Variants in CTSH observed in about 807,000 individuals in gnomAD.
The protein encoded by CTSH is pro-cathepsin H.
In CTSH, 52 loss-of-function variants were observed where a neutral mutation model predicts 56.3. The ratio of observed to expected loss-of-function variants is 0.92; its 90% confidence interval spans 0.74 to 1.16. The LOEUF (loss-of-function observed/expected upper bound fraction) is 1.16, where lower values mean the gene tolerates loss of function less well. Ranked by LOEUF, CTSH falls within the 50% of genes most tolerant of loss-of-function variation. The probability of loss-of-function intolerance (pLI) is 0.00; values close to 1 mark genes in which losing one functional copy is unlikely to be tolerated. For synonymous variants in CTSH, 174 were observed against 155.7 expected, an observed-to-expected ratio of 1.12 and a Z score of -0.88; for missense variants, 406 against 424.5, an observed-to-expected ratio of 0.96 and a Z score of 0.38.
At chr15:78,925,281 G>T in intron 10 of CTSH, 53 bp downstream of exon 10, 3 of 1,157,260 alleles carry the variant, frequency 2.6e-6, no homozygotes, top group South Asian at 1.2e-5. Flanking sequence ...GTGTGAGGAG[G>T]CCCACCAAGC....
chr15:78,925,587 C>T, intron 9 of CTSH, 147 bp from the exon 10 acceptor site: 1 of 592,708 alleles, frequency 1.7e-6, no homozygotes, highest in Non-Finnish European at 3.1e-6. Context: ...CTCTCCCTTC[C>T]TGTCTCTGGC....
chr15:78,925,279 A>G, intron 10 of CTSH, 55 bp downstream of exon 10: 2 of 1,124,186 alleles, frequency 1.8e-6, no homozygotes, highest in Non-Finnish European at 2.7e-6. Context: ...GGGTGTGAGG[A>G]GGCCCACCAA....
chr15:78,944,917 G>A lies in CTSH; in HGVS notation c.65C>T (p.Ala22Val), dbSNP rs778307559. Residue 22 changes from alanine to valine, a missense_variant, in exon 1 of 12, where the codon GCC becomes GTC. Ala to Val is a moderately conservative substitution (Grantham distance 64). Transcript: ENST00000220166. The part of the protein sequence containing the change: ...AWLLGVPVCG[A>V]AELCVNSLEK... ...TAAGGAGTTCACGCACAGTTCGGCG[G>A]CACCGCAGACGGGGACTCCCAGGAG... 6.5e-7 allele frequency: 1 copy of A among 1,548,480 alleles called. No homozygotes were observed. Among genetic ancestry groups the A allele is most frequent in the South Asian group, 1.2e-5 (1 of 83,798 alleles).
At chr15:78,938,978 C>T (rs1299166951) in intron 2 of CTSH, among the ~76,000 whole-genome samples, 162 bp downstream of exon 2, 3 of 152,230 alleles carry the variant, frequency 2.0e-5, no homozygotes, top group African/African-American at 4.8e-5. Flanking sequence ...ATTTACTTAA[C>T]TGCATCTTTC....
intron 1 of CTSH, chr15:78,944,627 C>G (rs1249404278): frequency 3.6e-5 from 16 of 440,954 alleles, no homozygotes; most frequent in Non-Finnish European, 6.1e-5. Context: ...CTTTGGTATT[C>G]TAGGCTGGAG....
chr15:78,931,991 G>A lies in CTSH; in HGVS notation c.492+381C>T, dbSNP rs549679925. ...GCATCATCCGTCTCTTGTGGGCGAG[G>A]GGATGGATGCATAGGTCCCGGCTCT... On this transcript the variant is annotated intron_variant, in intron 6 of 11. Transcript: ENST00000220166. 16 of 1,155,998 alleles carry A rather than the reference G, an allele frequency of 1.4e-5. No homozygotes were observed. The Admixed American group carries it at 5.4e-4, about 39-fold the overall frequency. 71.6% of individuals were successfully genotyped at this position (1,155,998 alleles called of 1,614,324 possible).
chr15:78,929,373 T>C lies in CTSH; in HGVS notation c.630+39A>G, dbSNP rs371952451. 6.7e-6 allele frequency: 10 copies of C among 1,499,552 alleles called. No homozygotes were observed. In the African/African-American group the frequency reaches 1.2e-4, roughly 19 times the overall value. The allele number at this position is 1,499,552 out of a possible 1,614,324, so 92.9% of individuals were successfully genotyped here. ...GGGGAGGGAGTGAAGCTAGGCATGCTGTACGCCAAGAAGACAGAGTGGAGG... is the reference window on the plus strand; with the variant it reads ...GGGGAGGGAGTGAAGCTAGGCATGCCGTACGCCAAGAAGACAGAGTGGAGG... On this transcript the variant is annotated intron_variant, in intron 8 of 11. Transcript: ENST00000220166.
chr15:78,922,824 G>A (rs1343190474), intron 11 of CTSH, among the ~76,000 whole-genome samples, 169 bp downstream of exon 11: 3 of 152,194 alleles, frequency 2.0e-5, no homozygotes, highest in South Asian at 4.1e-4. Context: ...TGGGGGCTTG[G>A]AAATGTGGAG....
intron 4 of CTSH, 93 bp from the exon 5 acceptor site, chr15:78,935,175 C>A (rs1567369791): frequency 2.4e-6 from 2 of 840,794 alleles, no homozygotes; most frequent in East Asian, 5.0e-5. Flanking sequence ...CATGGAATCA[C>A]CAAGAGAGAA....
intron 1 of CTSH, among the ~76,000 whole-genome samples, chr15:78,941,235 G>A (rs1318600429): frequency 6.6e-6 from 1 of 150,902 alleles, no homozygotes; most frequent in East Asian, 2.0e-4. Context: ...GACCAGCCTG[G>A]CCAACATGGT....
At chr15:78,943,281 GTCTTAC>G (rs1350027573) in intron 1 of CTSH, among the ~76,000 whole-genome samples, 2 of 152,106 alleles carry the variant, frequency 1.3e-5, no homozygotes, top group African/African-American at 4.8e-5. Context: ...TTTAGATGGA[GTCTTAC>G]TCTGTCACCC....
At chr15:78,936,182 T>C (rs947100066) in intron 3 of CTSH, among the ~76,000 whole-genome samples, 13 of 5,322 alleles carry the variant, frequency 2.4e-3, no homozygotes, top group African/African-American at 4.7e-3. Context: ...TTTCTTTTCT[T>C]TTTTTTTTTT....
At chr15:78,944,587 G>A (rs534417736) in intron 1 of CTSH, 7 of 315,878 alleles carry the variant, frequency 2.2e-5, no homozygotes, top group Non-Finnish European at 3.5e-5. Flanking sequence ...TGTGTCCCCA[G>A]TTGAGGAAGG....
At chr15:78,925,300 A>G in intron 10 of CTSH, 34 bp downstream of exon 10, 1 of 1,418,150 alleles carries the variant, frequency 7.1e-7, no homozygotes, top group Non-Finnish European at 1.0e-6. Context: ...GCCCCTCCCC[A>G]CTGTCCCTCC....
intron 9 of CTSH, chr15:78,927,452 C>T: frequency 1.9e-6 from 1 of 538,650 alleles, no homozygotes; most frequent in Non-Finnish European, 3.3e-6. Context: ...ATTTTACAAG[C>T]AAGAAAACAG....
chr15:78,925,532 G>A, intron 9 of CTSH, 92 bp from the exon 10 acceptor site: 1 of 819,282 alleles, frequency 1.2e-6, no homozygotes, highest in Non-Finnish European at 2.0e-6. Context: ...AGGGGCTAGA[G>A]GCCCAGAGCA....
At chr15:78,944,473 G>A (rs11072817) in intron 1 of CTSH, 81,444 of 159,886 alleles carry the variant, frequency 0.51, 25,033 homozygotes, top group Non-Finnish European at 0.69. Context: ...AAGACACTAC[G>A]GGGATCCCCT....
rs528824033 is a variant in CTSH, at chr15:78,944,977, C to T, written c.5G>A (p.Trp2Ter). The change falls in exon 1 of 12, where the codon TGG becomes TAG. Residue 2 changes from tryptophan (W) to a stop codon, truncating the protein, a stop_gained. Coordinates refer to ENST00000220166, the MANE Select transcript of CTSH (RefSeq NM_004390.5). LOFTEE classifies it high-confidence loss of function. M[W>*]ATLPLLCAGA... ...GGCGCAGAGCAGCGGCAGCGTGGCC[C>T]ACATCGCAGCGCTGGCGGCTTGGCT... 1.3e-6 allele frequency: 2 copies of T among 1,541,886 alleles called. No homozygotes were observed. The highest frequency in any genetic ancestry group is 2.5e-5 in the East Asian group (1 of 40,336).
In CTSH at chr15:78,925,395, CAGGGTTGT is replaced by C; in HGVS notation, c.737_744del (p.Tyr246CysfsTer6). 6.2e-7 allele frequency: 1 copy of C among 1,614,024 alleles called. No homozygotes were observed. The highest frequency in any genetic ancestry group is 8.5e-7 in the Non-Finnish European group (1 of 1,179,872). On this transcript the variant is annotated frameshift_variant, in exon 10 of 12. Transcript: ENST00000220166. LOFTEE classifies it high-confidence loss of function. ...TGAGTCACCTCAAAGGCAAAGCTCACAGGGTTGTAGAGGGCCACAGCCTCCACCATCGC... is the reference window on the plus strand; with the variant it reads ...TGAGTCACCTCAAAGGCAAAGCTCACAGAGGGCCACAGCCTCCACCATCGC...
Sources: gnomAD v4.1 joint callset for allele counts (sites outside exome capture counted in the v4.1 genomes callset) on GRCh38, gnomAD v4.1.1 for gene constraint, MANE v1.5 for transcripts, NCBI Gene and HGNC (gene_info 2026-07-23, HGNC 2026-07-21) for gene names.